CAMK1D: variants seen among roughly 807,000 people sequenced by gnomAD.
CAMK1D encodes the protein calcium/calmodulin-dependent protein kinase type 1D.
Under a neutral mutation model 47.7 loss-of-function variants are expected in CAMK1D, and 9 were observed. That is an observed-to-expected ratio of 0.19 (90% CI 0.11 to 0.33). The LOEUF is 0.33. Ranked by LOEUF, CAMK1D falls within the 10% of genes least tolerant of loss-of-function variation. The pLI is 1.00. For synonymous variants in CAMK1D, 184 were observed against 184.9 expected, an observed-to-expected ratio of 0.99 and a Z score of 0.04; for missense variants, 291 against 488.7, an observed-to-expected ratio of 0.60 and a Z score of 3.81.
At chr10:12,463,892 T>C (rs1455343242) in intron 1 of CAMK1D, among the ~76,000 whole-genome samples, 1 of 152,136 alleles carries the variant, frequency 6.6e-6, no homozygotes, top group Admixed American at 6.5e-5. Context: ...TATAAGTGTG[T>C]GGTAGTGTCT....
intron 1 of CAMK1D, among the ~76,000 whole-genome samples, chr10:12,492,407 C>T (rs1834415622): frequency 6.6e-6 from 1 of 150,836 alleles, no homozygotes; most frequent in Non-Finnish European, 1.5e-5. Context: ...CATCCACTCG[C>T]ATGCTTTTGG....
rs576128205 is a variant in CAMK1D, at chr10:12,723,655, AT to A, written c.300-37286del. On this transcript the variant is annotated intron_variant, in intron 3 of 10. Transcript: ENST00000619168. ...ATAGTTACTATGTAAATTGAAAGGC[AT>A]TTTTTTCTATTAAAATACATCATAA... Among the ~76,000 whole-genome samples, 6 of 152,250 alleles carry A rather than the reference AT, an allele frequency of 3.9e-5. No homozygotes were observed. The East Asian group carries it at 9.6e-4, about 24-fold the overall frequency.
At chr10:12,414,621 C>T (rs1393621218) in intron 1 of CAMK1D, among the ~76,000 whole-genome samples, 1 of 152,168 alleles carries the variant, frequency 6.6e-6, no homozygotes, top group African/African-American at 2.4e-5. Context: ...CTTGTAGGCA[C>T]CTTTCTGAAA....
At chr10:12,481,107 C>A (rs1834051353) in intron 1 of CAMK1D, among the ~76,000 whole-genome samples, 1 of 152,214 alleles carries the variant, frequency 6.6e-6, no homozygotes, top group African/African-American at 2.4e-5. Context: ...CTGAATTCTA[C>A]TAAGACGTGG....
intron 1 of CAMK1D, 70 bp downstream of exon 1, chr10:12,349,980 C>G: frequency 2.6e-6 from 2 of 764,442 alleles, no homozygotes; most frequent in Non-Finnish European, 3.8e-6. Context: ...CTCCAGCTGC[C>G]GCCGCCGCCA....
chr10:12,585,682 G>A (rs1241897077), intron 2 of CAMK1D, among the ~76,000 whole-genome samples: 1 of 152,108 alleles, frequency 6.6e-6, no homozygotes, highest in East Asian at 1.9e-4. Flanking sequence ...TCACTACCAC[G>A]AGAACAGTAT....
intron 5 of CAMK1D, among the ~76,000 whole-genome samples, chr10:12,789,813 T>TTGG (rs138771395): frequency 1.3e-5 from 2 of 152,068 alleles, no homozygotes; most frequent in Non-Finnish European, 2.9e-5. Context: ...AAGTACTTTG[T>TTGG]CAGCTCTAGC....
intron 1 of CAMK1D, among the ~76,000 whole-genome samples, chr10:12,548,878 CAG>C: frequency 6.6e-6 from 1 of 152,082 alleles, no homozygotes; most frequent in East Asian, 1.9e-4. Flanking sequence ...TTTTTTGAGA[CAG>C]AGTCTCGCTC....
intron 1 of CAMK1D, among the ~76,000 whole-genome samples, chr10:12,492,442 G>T (rs1588550241): frequency 2.0e-5 from 3 of 151,778 alleles, no homozygotes; most frequent in South Asian, 4.2e-4. Flanking sequence ...AGGATCGCTT[G>T]AGCCCAGGAG....
At chr10:12,453,420 C>G (rs375500664) in intron 1 of CAMK1D, among the ~76,000 whole-genome samples, 3 of 151,980 alleles carry the variant, frequency 2.0e-5, no homozygotes, top group Non-Finnish European at 4.4e-5. Context: ...GAACTCCTGA[C>G]CTCATGATCC....
At chr10:12,586,453 GAAAAAAA>G (rs201388483) in intron 2 of CAMK1D, among the ~76,000 whole-genome samples, 4 of 111,722 alleles carry the variant, frequency 3.6e-5, no homozygotes, top group South Asian at 3.0e-4. Context: ...CCTCTCAAAA[GAAAAAAA>G]AAAAAAAAAA....
chr10:12,387,677 A>G (rs1838573954), intron 1 of CAMK1D, among the ~76,000 whole-genome samples: 1 of 150,340 alleles, frequency 6.7e-6, no homozygotes, highest in Non-Finnish European at 1.5e-5. Context: ...TTTGGTAGAG[A>G]TGGGTTCTCG....
chr10:12,809,737 G>A (rs1301791943), intron 6 of CAMK1D, among the ~76,000 whole-genome samples: 1 of 152,206 alleles, frequency 6.6e-6, no homozygotes, highest in Non-Finnish European at 1.5e-5. Flanking sequence ...ACTGGAGGGA[G>A]AGACATGAGG....
intron 3 of CAMK1D, among the ~76,000 whole-genome samples, chr10:12,674,599 C>CTT (rs11391139): frequency 0.55 from 34,640 of 63,336 alleles, 10,750 homozygotes; most frequent in Middle Eastern, 0.69. Flanking sequence ...TGGAAAAATG[C>CTT]TTTTTTTTTT....
chr10:12,821,105 G>A (rs946931540), intron 8 of CAMK1D, among the ~76,000 whole-genome samples: 3 of 152,214 alleles, frequency 2.0e-5, no homozygotes, highest in Non-Finnish European at 4.4e-5. Context: ...CAGCAGGCTG[G>A]AGACCCAGGG....
intron 2 of CAMK1D, among the ~76,000 whole-genome samples, chr10:12,578,185 T>A (rs1197054657): frequency 6.6e-6 from 1 of 151,824 alleles, no homozygotes; most frequent in African/African-American, 2.4e-5. Context: ...AGCGATCCTC[T>A]CACCTCAGCC....
intron 1 of CAMK1D, among the ~76,000 whole-genome samples, chr10:12,386,882 A>C (rs1838512104): frequency 6.6e-6 from 1 of 152,146 alleles, no homozygotes; most frequent in South Asian, 2.1e-4. Flanking sequence ...TTTAATAAAA[A>C]ATAATAATAA....
At chr10:12,748,944 G>A (rs560970406) in intron 3 of CAMK1D, among the ~76,000 whole-genome samples, 80 of 152,304 alleles carry the variant, frequency 5.3e-4, no homozygotes, top group Admixed American at 2.4e-3. Flanking sequence ...AAGGGGCTGA[G>A]GAGGCTGCAG....
chr10:12,810,349 A>C (rs1383300600), intron 6 of CAMK1D, among the ~76,000 whole-genome samples: 1 of 142,472 alleles, frequency 7.0e-6, no homozygotes, highest in Non-Finnish European at 1.5e-5. Context: ...ATCTCAGCTC[A>C]CTGCAACCTC....
Sources: gnomAD v4.1 joint callset for allele counts (sites outside exome capture counted in the v4.1 genomes callset) on GRCh38, gnomAD v4.1.1 for gene constraint, MANE v1.5 for transcripts, NCBI Gene and HGNC (gene_info 2026-07-23, HGNC 2026-07-21) for gene names.